Variants in RALGAPA2 observed in about 807,000 individuals in gnomAD.
RALGAPA2 encodes Ral GTPase activating protein catalytic subunit alpha 2.
Under a neutral mutation model 230.4 loss-of-function variants are expected in RALGAPA2, and 139 were observed. The observed-to-expected ratio is 0.60, with a 90% CI of 0.53 to 0.69. The LOEUF (loss-of-function observed/expected upper bound fraction) is 0.69. RALGAPA2 is among the 30% of genes least tolerant of loss of function. The pLI, the probability that RALGAPA2 is intolerant of heterozygous loss-of-function variation, is 0.00. For missense variants in RALGAPA2, 2,163 were observed against 2,276.0 expected (o/e 0.95, Z 1.01); for synonymous variants, 847 against 837.8 (o/e 1.01, Z -0.19).
chr20:20,482,021 A>G (rs1328167182), intron 36 of RALGAPA2, among the ~76,000 whole-genome samples: 1 of 152,220 alleles, frequency 6.6e-6, no homozygotes, highest in Non-Finnish European at 1.5e-5. Flanking sequence ...TATTTCTGAG[A>G]AACAGAATTT....
chr20:20,555,707 T>A (rs1262239895), intron 23 of RALGAPA2, among the ~76,000 whole-genome samples: 1 of 152,222 alleles, frequency 6.6e-6, no homozygotes, highest in East Asian at 1.9e-4. Context: ...AAATTGTCCA[T>A]TTCTGTTGTA....
intron 1 of RALGAPA2, among the ~76,000 whole-genome samples, chr20:20,710,157 C>A (rs1034728433): frequency 6.6e-6 from 1 of 151,816 alleles, no homozygotes; most frequent in Non-Finnish European, 1.5e-5. Flanking sequence ...TCTTTGCATA[C>A]TTAAAAAAAA....
chr20:20,413,147 G>T (rs559383436), intron 37 of RALGAPA2, among the ~76,000 whole-genome samples: 1 of 152,252 alleles, frequency 6.6e-6, no homozygotes, highest in South Asian at 2.1e-4. Context: ...CTAATTCTCC[G>T]GGAACACAGG....
intron 10 of RALGAPA2, among the ~76,000 whole-genome samples, chr20:20,627,913 T>G (rs1353952352): frequency 1.3e-5 from 2 of 152,162 alleles, no homozygotes; most frequent in African/African-American, 2.4e-5. Context: ...AGGAGGCAAG[T>G]GTAGAATTAC....
intron 3 of RALGAPA2, among the ~76,000 whole-genome samples, chr20:20,659,012 C>T (rs955781850): frequency 2.6e-5 from 4 of 152,104 alleles, no homozygotes; most frequent in Non-Finnish European, 5.9e-5. Flanking sequence ...GGGAGCAACC[C>T]TTCCCCAAAC....
intron 37 of RALGAPA2, among the ~76,000 whole-genome samples, chr20:20,466,244 A>T (rs919210560): frequency 6.6e-6 from 1 of 152,252 alleles, no homozygotes; most frequent in Non-Finnish European, 1.5e-5. Context: ...TAGATTTTTT[A>T]AAAATGCAAA....
At chr20:20,699,471 C>T (rs1043628478) in intron 1 of RALGAPA2, among the ~76,000 whole-genome samples, 4 of 152,156 alleles carry the variant, frequency 2.6e-5, no homozygotes, top group Admixed American at 1.3e-4. Flanking sequence ...AGAGAGTCTG[C>T]ACTGTTTACA....
At chr20:20,567,966 T>C (rs1438642289) in intron 23 of RALGAPA2, among the ~76,000 whole-genome samples, 2 of 151,776 alleles carry the variant, frequency 1.3e-5, no homozygotes, top group Admixed American at 6.6e-5. Context: ...GATTCAATAG[T>C]ACAACATCAT....
chr20:20,547,756 G>A (rs1167871960), intron 23 of RALGAPA2, among the ~76,000 whole-genome samples: 5 of 152,148 alleles, frequency 3.3e-5, no homozygotes, highest in Admixed American at 6.5e-5. Context: ...CAGTCGTGTC[G>A]CTTTATGATG....
Position 20,535,757 on chromosome 20 carries a change from T to G in RALGAPA2, c.3461A>C (p.Asn1154Thr). 1 of 1,548,814 alleles carries G rather than the reference T, an allele frequency of 6.5e-7. No homozygotes were observed. The highest frequency in any genetic ancestry group is 8.7e-7 in the Non-Finnish European group (1 of 1,145,730). The change falls in exon 26 of 40, where the codon AAT (asparagine) becomes ACT (threonine). Residue 1154 changes from asparagine (N) to threonine (T), a missense_variant. Coordinates refer to ENST00000202677, the MANE Select transcript of RALGAPA2 (RefSeq NM_020343.4). ...ATTCAACATTTACCTTGCATATTCATTTGGTTCTTCTGTGGCATTCTTCAG... is the reference window on the plus strand; with the variant it reads ...ATTCAACATTTACCTTGCATATTCAGTTGGTTCTTCTGTGGCATTCTTCAG... ...ILLKNATEEP[N>T]EYARCIAVCS...
chr20:20,403,089 C>T (rs2059881443), intron 38 of RALGAPA2, among the ~76,000 whole-genome samples: 1 of 152,060 alleles, frequency 6.6e-6, no homozygotes, highest in Non-Finnish European at 1.5e-5. Flanking sequence ...AAGTGCGCCC[C>T]CACCCCAGGT....
chr20:20,564,100 CA>C (rs2064340596), intron 23 of RALGAPA2, among the ~76,000 whole-genome samples: 1 of 152,146 alleles, frequency 6.6e-6, no homozygotes, highest in African/African-American at 2.4e-5. Flanking sequence ...GTATCATGCT[CA>C]AAAACCTTCA....
intron 22 of RALGAPA2, 40 bp from the exon 23 acceptor site, chr20:20,571,653 G>A: frequency 6.3e-7 from 1 of 1,584,674 alleles, no homozygotes; most frequent in Non-Finnish European, 8.6e-7. Flanking sequence ...ATCAAGCCCA[G>A]GTGCAGAGTA....
chr20:20,394,072 C>T (rs976674428), intron 39 of RALGAPA2, among the ~76,000 whole-genome samples: 1 of 152,202 alleles, frequency 6.6e-6, no homozygotes, highest in African/African-American at 2.4e-5. Context: ...GTTTCCACAT[C>T]TTCCTCCCTG....
intron 2 of RALGAPA2, among the ~76,000 whole-genome samples, chr20:20,680,043 T>C (rs1446124505): frequency 6.6e-6 from 1 of 152,198 alleles, no homozygotes; most frequent in Non-Finnish European, 1.5e-5. Context: ...CTAGGATACC[T>C]GTGAACCTGT....
intron 37 of RALGAPA2, among the ~76,000 whole-genome samples, chr20:20,464,985 T>C (rs2061383268): frequency 6.6e-6 from 1 of 152,156 alleles, no homozygotes; most frequent in African/African-American, 2.4e-5. Flanking sequence ...TACATACATA[T>C]GCATACATAT....
intron 27 of RALGAPA2, among the ~76,000 whole-genome samples, chr20:20,530,482 G>A (rs917619626): frequency 6.6e-6 from 1 of 152,174 alleles, no homozygotes; most frequent in Non-Finnish European, 1.5e-5. Context: ...GTGTACTTGG[G>A]GAACAGGAGG....
intron 2 of RALGAPA2, among the ~76,000 whole-genome samples, chr20:20,678,334 C>T (rs16982075): frequency 0.011 from 1,699 of 152,258 alleles, 30 homozygotes; most frequent in African/African-American, 0.039. Flanking sequence ...TGGTTCTTCA[C>T]TATGATTCTT....
intron 35 of RALGAPA2, 111 bp from the exon 36 acceptor site, chr20:20,495,386 CA>C: frequency 8.1e-6 from 7 of 865,816 alleles, no homozygotes; most frequent in Non-Finnish European, 1.0e-5. Flanking sequence ...ATTTCACTAC[CA>C]AAAAAGGCTA....
Sources: gnomAD v4.1 joint callset for allele counts (sites outside exome capture counted in the v4.1 genomes callset) on GRCh38, gnomAD v4.1.1 for gene constraint, MANE v1.5 for transcripts, NCBI Gene and HGNC (gene_info 2026-07-23, HGNC 2026-07-21) for gene names.